RS1: variants seen among roughly 807,000 people sequenced by gnomAD.
The protein encoded by RS1 is retinoschisin.
Under a neutral mutation model 20.8 loss-of-function variants are expected in RS1, and 2 were observed. The ratio of observed to expected loss-of-function variants is 0.10; its 90% confidence interval spans 0.04 to 0.30. RS1 has a LOEUF of 0.30. RS1 is among the 10% of genes least tolerant of loss of function. The probability of loss-of-function intolerance (pLI) is 1.00; values close to 1 mark genes in which losing one functional copy is unlikely to be tolerated. For missense variants in RS1, 151 were observed against 189.8 expected, an observed-to-expected ratio of 0.80 and a Z score of 1.20; for synonymous variants, 70 against 75.8, an observed-to-expected ratio of 0.92 and a Z score of 0.40.
intron 1 of RS1, among the ~76,000 whole-genome samples, chrX:18,661,970 G>C (rs1291722850): frequency 8.9e-6 from 1 of 112,230 alleles, no homozygotes; most frequent in African/African-American, 3.2e-5. Flanking sequence ...AGGAGTGCCT[G>C]TCCTCACCTA....
At chrX:18,647,614 A>G (rs537167766) in intron 3 of RS1, 2 of 345,197 alleles carry the variant, frequency 5.8e-6, no homozygotes, top group South Asian at 4.5e-5. Flanking sequence ...GGTGTGTGGA[A>G]TTTTGAGAAA....
At chrX:18,665,236 T>G (rs1928385188) in intron 1 of RS1, among the ~76,000 whole-genome samples, 1 of 112,252 alleles carries the variant, frequency 8.9e-6, no homozygotes, top group South Asian at 3.7e-4. Context: ...TCCTCCACGC[T>G]GCTGAGGCAG....
At position 18,653,319 on chromosome X, in the gene RS1, G is replaced by A. The variant is rs1405867046; in HGVS notation, c.184+3334C>T. The A allele has an allele frequency of 7.8e-6, 9 of 1,147,719 alleles. No individual in the cohort carries two copies. The East Asian group carries it at 2.0e-4, about 25-fold the overall frequency. The allele number at this position is 1,147,719 out of a possible 1,213,427, so 94.6% of individuals were successfully genotyped here. A position where few individuals can be genotyped will look rare whatever the true frequency, so the allele number is the denominator to read the frequency against. ...ATAGCATTAAAGTGAAGATTAGGAG[G>A]CCAGAATGCATGTGGCCTTCTGCTC... On this transcript the variant is annotated intron_variant, in intron 3 of 5. Coordinates refer to ENST00000379984, the MANE Select transcript of RS1 (RefSeq NM_000330.4).
rs1236775231 is a variant in RS1 at position 18,657,677 on chromosome X, G to T, written c.53-12C>A. The T allele has an allele frequency of 8.5e-7, 1 of 1,176,883 alleles. No homozygotes were observed. Among genetic ancestry groups the T allele is most frequent in the Non-Finnish European group, 1.2e-6 (1 of 865,301 alleles). The stretch of plus-strand genomic sequence containing the variant: ...TAATCCCAATGTGGCTAAAGCAAAA[G>T]GATGAGACAGAAAAAATCTAATTAA... On this transcript the variant is annotated splice_polypyrimidine_tract_variant and intron_variant, in intron 1 of 5. Transcript: ENST00000379984.
At chrX:18,644,088 A>T (rs1927679748) in intron 5 of RS1, among the ~76,000 whole-genome samples, 1 of 111,913 alleles carries the variant, frequency 8.9e-6, no homozygotes, top group Admixed American at 9.5e-5. Context: ...CCACATCAAT[A>T]ACATCAGACC....
chrX:18,654,821 G>T (rs763126979), intron 3 of RS1, among the ~76,000 whole-genome samples: 31 of 111,660 alleles, frequency 2.8e-4, no homozygotes, highest in African/African-American at 9.8e-4. Flanking sequence ...GGAAAATCAC[G>T]CAGTAGAAAC....
intron 3 of RS1, among the ~76,000 whole-genome samples, chrX:18,651,531 C>T (rs1258848316): frequency 6.3e-5 from 7 of 111,029 alleles, no homozygotes; most frequent in Non-Finnish European, 1.3e-4. Flanking sequence ...GCTCTGGGCA[C>T]GCTCAGAAAA....
rs996602059 is a variant in RS1 at position 18,641,681 on chromosome X, T to C, written c.*323A>G. The C allele has an allele frequency of 2.8e-5, 8 of 284,784 alleles. No homozygotes were observed. The highest frequency in any genetic ancestry group is 3.7e-5 in the Non-Finnish European group (6 of 160,405). The allele number at this position is 284,784 out of a possible 1,213,427, so 23.5% of individuals were successfully genotyped here. On this transcript the variant is annotated 3_prime_UTR_variant, in exon 6 of 6. Coordinates refer to ENST00000379984, the MANE Select transcript of RS1 (RefSeq NM_000330.4). Reference sequence around the variant, plus strand: ...TTATCAGGGCTGCTTTGTGTTCCCCTGAGACTGCACCTTTCACAGTATCAC... The same window carrying C: ...TTATCAGGGCTGCTTTGTGTTCCCCCGAGACTGCACCTTTCACAGTATCAC...
intron 1 of RS1, among the ~76,000 whole-genome samples, chrX:18,662,753 A>G (rs1359990824): frequency 7.4e-5 from 8 of 107,403 alleles, no homozygotes; most frequent in South Asian, 4.1e-4. Context: ...TCAGCCTCTT[A>G]AGTAGCTGGG....
intron 3 of RS1, 83 bp from the exon 4 acceptor site, chrX:18,647,415 A>C: frequency 9.5e-7 from 1 of 1,049,546 alleles, no homozygotes; most frequent in Non-Finnish European, 1.3e-6. Flanking sequence ...AAACAAACCC[A>C]TCTGCTTTGC....
intron 1 of RS1, among the ~76,000 whole-genome samples, chrX:18,667,503 C>T (rs183373668): frequency 2.8e-5 from 3 of 106,093 alleles, no homozygotes; most frequent in Non-Finnish European, 5.8e-5. Flanking sequence ...GCCAAGATCA[C>T]GCCACTGCAC....
At chrX:18,651,734 C>T (rs375699306) in intron 3 of RS1, among the ~76,000 whole-genome samples, 6 of 111,984 alleles carry the variant, frequency 5.4e-5, no homozygotes, top group African/African-American at 1.9e-4. Context: ...TGGGGCACTC[C>T]GGCTGGATTT....
At chrX:18,667,729 A>AG (rs1171584927) in intron 1 of RS1, among the ~76,000 whole-genome samples, 1 of 110,898 alleles carries the variant, frequency 9.0e-6, no homozygotes, top group African/African-American at 3.3e-5. Context: ...CAAGGAAGAG[A>AG]GGCCTGCTTT....
At chrX:18,643,473 G>A (rs1462206180) in intron 5 of RS1, among the ~76,000 whole-genome samples, 1 of 112,497 alleles carries the variant, frequency 8.9e-6, no homozygotes, top group South Asian at 3.7e-4. Context: ...TTGCACAAGT[G>A]CAGGGGTGAA....
At chrX:18,654,280 G>A (rs758390808) in intron 3 of RS1, among the ~76,000 whole-genome samples, 10 of 108,455 alleles carry the variant, frequency 9.2e-5, no homozygotes, top group African/African-American at 2.7e-4. Flanking sequence ...TTGGCCTCCC[G>A]AGTAGCTGGG....
rs1064795115 is a variant in RS1, at chrX:18,650,448, A to ACTC, written c.185-3119_185-3117dup. 2 of 1,209,744 alleles carry ACTC rather than the reference A, an allele frequency of 1.7e-6. No individual in the cohort carries two copies. Among genetic ancestry groups the ACTC allele is most frequent in the African/African-American group, 3.5e-5 (2 of 57,073 alleles). ...CTGTGGTGACCCAAAGAAGCCTCAC[A>ACTC]CTCCGTGCGTCCCAAACCGAGCCCT... is the stretch of plus-strand genomic sequence containing the variant. On this transcript the variant is annotated intron_variant, in intron 3 of 5. Transcript: ENST00000379984.
chrX:18,662,772 C>T (rs755875203), intron 1 of RS1, among the ~76,000 whole-genome samples: 4 of 109,391 alleles, frequency 3.7e-5, no homozygotes, highest in Admixed American at 9.9e-5. Context: ...GGACTACAGG[C>T]GCCCGCCACC....
chrX:18,665,855 G>A (rs1296696854), intron 1 of RS1, among the ~76,000 whole-genome samples: 3 of 89,972 alleles, frequency 3.3e-5, no homozygotes, highest in African/African-American at 1.3e-4. Context: ...CTGCACCTCA[G>A]TCTGGGTGAC....
chrX:18,667,955 C>A (rs1256107676), intron 1 of RS1, among the ~76,000 whole-genome samples: 1 of 111,599 alleles, frequency 9.0e-6, no homozygotes, highest in East Asian at 2.8e-4. Flanking sequence ...TGCAGTCCCA[C>A]ACAATGATTT....
Sources: allele counts gnomAD v4.1 joint callset (sites outside exome capture counted in the v4.1 genomes callset), GRCh38; gene constraint gnomAD v4.1.1; transcripts MANE v1.5; gene names NCBI Gene and HGNC (gene_info 2026-07-23, HGNC 2026-07-21).